Variants in UBE2G2 observed in about 807,000 individuals in gnomAD.
The protein encoded by UBE2G2 is ubiquitin conjugating enzyme E2 G2.
UBE2G2 carries 10 observed loss-of-function variants against 23.0 expected under a neutral mutation model. The observed-to-expected ratio is 0.43, with a 90% confidence interval of 0.27 to 0.74. The LOEUF (loss-of-function observed/expected upper bound fraction) is 0.74. Among genes scored for constraint, UBE2G2 ranks in the 30% least tolerant of loss-of-function variants. UBE2G2 has a pLI of 0.19. For missense variants in UBE2G2, 150 were observed against 218.3 expected, an observed-to-expected ratio of 0.69 and a Z score of 1.97; for synonymous variants, 86 against 81.3, an observed-to-expected ratio of 1.06 and a Z score of -0.31.
chr21:44,791,625 GA>G (rs1216511640), intron 1 of UBE2G2, among the ~76,000 whole-genome samples: 1 of 152,250 alleles, frequency 6.6e-6, no homozygotes, highest in Non-Finnish European at 1.5e-5. Flanking sequence ...TGTCCAGACA[GA>G]AATCTGCTGC....
At chr21:44,785,690 G>A (rs1219381621) in intron 3 of UBE2G2, 2 of 152,262 alleles carry the variant, frequency 1.3e-5, no homozygotes, top group Non-Finnish European at 2.9e-5. Flanking sequence ...TTGGCCAGAT[G>A]TCTGCCAAAA....
At chr21:44,788,435 G>A (rs1439675677) in intron 1 of UBE2G2, among the ~76,000 whole-genome samples, 7 of 151,622 alleles carry the variant, frequency 4.6e-5, no homozygotes, top group Non-Finnish European at 7.4e-5. Context: ...GACTACAGGC[G>A]CCCACCACCA....
chr21:44,779,709 C>G (rs1205121904), intron 3 of UBE2G2, among the ~76,000 whole-genome samples: 1 of 152,322 alleles, frequency 6.6e-6, no homozygotes, highest in East Asian at 1.9e-4. Context: ...TCAGAGCAAA[C>G]GATAACCACC....
intron 1 of UBE2G2, among the ~76,000 whole-genome samples, chr21:44,795,461 A>C (rs950980424): frequency 6.6e-6 from 1 of 151,816 alleles, no homozygotes; most frequent in Non-Finnish European, 1.5e-5. Flanking sequence ...GCGAAACCCT[A>C]TCTCTACTAA....
At chr21:44,793,429 T>C (rs1007025431) in intron 1 of UBE2G2, among the ~76,000 whole-genome samples, 1 of 152,218 alleles carries the variant, frequency 6.6e-6, no homozygotes, top group Non-Finnish European at 1.5e-5. Context: ...CTCCTGGCAA[T>C]GCAGGCTCAG....
chr21:44,771,211 G>C lies in UBE2G2; in HGVS notation c.*166C>G, dbSNP rs1195673117. 1.6e-6 allele frequency: 1 copy of C among 615,346 alleles called. No homozygotes were observed. The highest frequency in any genetic ancestry group is 1.8e-5 in the African/African-American group (1 of 54,134). The allele number at this position is 615,346 out of a possible 1,614,324, so 38.1% of individuals were successfully genotyped here. On this transcript the variant is annotated 3_prime_UTR_variant, in exon 6 of 6. Transcript: ENST00000345496. This position sits in a 1 kb window ranked among gnomAD's most constrained non-coding sequence, Gnocchi z 4.6. The stretch of plus-strand genomic sequence containing the variant: ...TCGACATTAAGTCATCATTTCAGAA[G>C]AGAAGCCTGTTTGAAGTAGGAAAGG...
rs782706414 is a variant in UBE2G2 at position 44,773,626 on chromosome 21, G to A, written c.306C>T (p.Gly102=). The change falls in exon 5 of 6, where the codon GGC becomes GGT. Residue 102 remains glycine (G), a synonymous_variant. Transcript: ENST00000345496. ...TCCACCGCTCCGCGCTGCTCTCGTA[G>A]CCCATGGGGTCATCGCCTGGCGCGT... The part of the protein sequence containing the change: ...ILHAPGDDPM[G]YESSAERWSP... 5.6e-6 allele frequency: 9 copies of A among 1,612,652 alleles called. No homozygotes were observed. The highest frequency in any genetic ancestry group is 7.6e-6 in the Non-Finnish European group (9 of 1,180,034).
intron 3 of UBE2G2, among the ~76,000 whole-genome samples, chr21:44,784,916 A>T (rs2082983564): frequency 6.6e-6 from 1 of 152,192 alleles, no homozygotes. Context: ...GAGGACAGCA[A>T]GCGCCAAGGG....
intron 1 of UBE2G2, among the ~76,000 whole-genome samples, chr21:44,796,301 A>G (rs1445786661): frequency 6.6e-6 from 1 of 152,236 alleles, no homozygotes; most frequent in East Asian, 1.9e-4. Context: ...CTGTAAAATT[A>G]GGGGGCTTGA....
At position 44,769,065 on chromosome 21, in the gene UBE2G2, T is replaced by C. The variant is rs1470566888; in HGVS notation, c.*2312A>G. On this transcript the variant is annotated 3_prime_UTR_variant, in exon 6 of 6. Coordinates refer to ENST00000345496, the MANE Select transcript of UBE2G2 (RefSeq NM_003343.6). Reference sequence around the variant, plus strand: ...TGCAGGGCAGGGAAAACACAGAACTTTATTTCAACAGTCATTAGGTTCCAC... The same window carrying C: ...TGCAGGGCAGGGAAAACACAGAACTCTATTTCAACAGTCATTAGGTTCCAC... 6.6e-6 allele frequency: 1 copy of C among 152,168 alleles called. No homozygotes were observed. The highest frequency in any genetic ancestry group is 1.5e-5 in the Non-Finnish European group (1 of 68,048). The allele number at this position is 152,168 out of a possible 1,614,324, so 9.4% of individuals were successfully genotyped here.
chr21:44,797,519 A>G lies in UBE2G2; in HGVS notation c.43+4187T>C, dbSNP rs537767409. 2.8e-3 allele frequency among the ~76,000 whole-genome samples: 423 copies of G among 152,172 alleles called. 2 individuals carry two copies. Among genetic ancestry groups the G allele is most frequent in the African/African-American group, 1.0e-2 (415 of 41,524 alleles). ...ATCACGAGGTCAGGAGATCGAGACC[A>G]TCCTGGCTAACACGGTGAAACCCCG... is the stretch of plus-strand genomic sequence containing the variant. On this transcript the variant is annotated intron_variant, in intron 1 of 5. Coordinates refer to ENST00000345496, the MANE Select transcript of UBE2G2 (RefSeq NM_003343.6).
chr21:44,790,912 G>C (rs566224029), intron 1 of UBE2G2, among the ~76,000 whole-genome samples: 1 of 152,226 alleles, frequency 6.6e-6, no homozygotes, highest in Non-Finnish European at 1.5e-5. Flanking sequence ...GGAAGATGTG[G>C]GAAAGTCTGG....
In UBE2G2 at chr21:44,771,259, A is replaced by G. The variant is rs1060564; in HGVS notation, c.*118T>C. The G allele has an allele frequency of 0.74, 615,776 of 827,154 alleles. 232,446 individuals carry two copies. The highest frequency in any genetic ancestry group is 0.88 in the African/African-American group (51,068 of 57,888). 51.2% of individuals were successfully genotyped at this position (827,154 alleles called of 1,614,324 possible). ...AGGTTTGAAAAAAAAAAAAGATGCC[A>G]TGGTTCTTGCAAGTCTGCCTTGTTT... On this transcript the variant is annotated 3_prime_UTR_variant, in exon 6 of 6. Coordinates refer to ENST00000345496, the MANE Select transcript of UBE2G2 (RefSeq NM_003343.6). The surrounding 1 kb of genome is among the most constrained non-coding windows in gnomAD (Gnocchi z 4.6).
At chr21:44,788,195 G>T in intron 1 of UBE2G2, 100 bp from the exon 2 acceptor site, 1 of 1,109,440 alleles carries the variant, frequency 9.0e-7, no homozygotes, top group Non-Finnish European at 1.3e-6. Flanking sequence ...ATAAACCATA[G>T]AATATGCATA....
Position 44,773,885 on chromosome 21 carries a change from T to C in UBE2G2, c.245-198A>G, listed in dbSNP as rs1411405412. The C allele has an allele frequency of 2.6e-5, 17 of 663,562 alleles. No homozygotes were observed. In the Admixed American group the frequency reaches 4.6e-4, roughly 18 times the overall value. 41.1% of individuals were successfully genotyped at this position (663,562 alleles called of 1,614,324 possible). A position where few individuals can be genotyped will look rare whatever the true frequency, so the allele number is the denominator to read the frequency against. ...ATCCCGGTGGGGCCTGCTCACTCACTGACAGGCTCCAGGCTGACCCAGCCA... is the reference window on the plus strand; with the variant it reads ...ATCCCGGTGGGGCCTGCTCACTCACCGACAGGCTCCAGGCTGACCCAGCCA... On this transcript the variant is annotated intron_variant, in intron 4 of 5. Transcript: ENST00000345496.
At chr21:44,797,612 G>A (rs984811259) in intron 1 of UBE2G2, among the ~76,000 whole-genome samples, 4 of 151,334 alleles carry the variant, frequency 2.6e-5, no homozygotes, top group Non-Finnish European at 4.4e-5. Context: ...CTACACGGGA[G>A]GCTGAGGCAG....
Position 44,787,931 on chromosome 21 carries a change from C to T in UBE2G2, c.114G>A (p.Glu38=), listed in dbSNP as rs958684823. 1 of 1,613,842 alleles carries T rather than the reference C, an allele frequency of 6.2e-7. No individual in the cohort carries two copies. Among genetic ancestry groups the T allele is most frequent in the African/African-American group, 1.3e-5 (1 of 75,020 alleles). Residue 38 remains glutamate (E), a synonymous_variant, in exon 3 of 6, where the codon GAG becomes GAA. Transcript: ENST00000345496. ...TAAAATTAACTTACATGATCAATGC[C>T]TCCCATTCAAAAAAGTTCTCTTCAT... is the stretch of plus-strand genomic sequence containing the variant. ...PMNEENFFEW[E]ALIMGPEDTC... is the part of the protein sequence containing the mutation.
Position 44,801,706 on chromosome 21 carries a change from GT to G in UBE2G2, c.42del (p.Lys14AsnfsTer3). ...TGACGGCCCGGGTCCCCAGACTCAC[GT>G]TTGTACTCGGCCATCAGCCTCTTGA... is the stretch of plus-strand genomic sequence containing the variant. ...TALKRLMAEYKQLTLNPPEGI... is the reference protein window; with the variant it reads ...TALKRLMAEYXQLTLNPPEGI... On this transcript the variant is annotated frameshift_variant and splice_region_variant, in exon 1 of 6. Transcript: ENST00000345496. LOFTEE classifies it high-confidence loss of function. 2 of 1,520,374 alleles carry G rather than the reference GT, an allele frequency of 1.3e-6. No homozygotes were observed. Among genetic ancestry groups the G allele is most frequent in the Non-Finnish European group, 1.8e-6 (2 of 1,135,896 alleles). The allele number at this position is 1,520,374 out of a possible 1,614,324, so 94.2% of individuals were successfully genotyped here.
Position 44,769,430 on chromosome 21 carries a change from G to A in UBE2G2, c.*1947C>T, listed in dbSNP as rs2146378311. ...GAGTCTCACTCTGTTGCCCAGGCTG[G>A]AGTGCAGTGGCGTGATCTCAGCTCA... On this transcript the variant is annotated 3_prime_UTR_variant, in exon 6 of 6. Transcript: ENST00000345496. 7.0e-6 allele frequency: 1 copy of A among 142,862 alleles called. No homozygotes were observed. Among genetic ancestry groups the A allele is most frequent in the East Asian group, 2.0e-4 (1 of 5,028 alleles). 8.8% of individuals were successfully genotyped at this position (142,862 alleles called of 1,614,324 possible). A position where few individuals can be genotyped will look rare whatever the true frequency, so the allele number is the denominator to read the frequency against.
Sources: allele counts gnomAD v4.1 joint callset (sites outside exome capture counted in the v4.1 genomes callset), GRCh38; gene constraint gnomAD v4.1.1; non-coding constraint Gnocchi (gnomAD v3.1); transcripts MANE v1.5; gene names NCBI Gene and HGNC (gene_info 2026-07-23, HGNC 2026-07-21).